RNF17: variants seen among roughly 807,000 people sequenced by gnomAD.
RNF17 encodes ring finger protein 17, also known as spermatogenesis associated 23.
RNF17 carries 31 observed loss-of-function variants against 200.5 expected under a neutral mutation model. The ratio of observed to expected loss-of-function variants is 0.15; its 90% confidence interval spans 0.12 to 0.21. The LOEUF (loss-of-function observed/expected upper bound fraction) is 0.21, where lower values mean the gene tolerates loss of function less well. RNF17 is among the 10% of genes least tolerant of loss of function. The probability of loss-of-function intolerance (pLI) is 1.00; values close to 1 mark genes in which losing one functional copy is unlikely to be tolerated. For synonymous variants in RNF17, 606 were observed against 637.8 expected, an observed-to-expected ratio of 0.95 and a Z score of 0.75; for missense variants, 1,628 against 1,905.1, an observed-to-expected ratio of 0.85 and a Z score of 2.71.
chr13:24,837,163 A>G (rs1278305763), intron 18 of RNF17, among the ~76,000 whole-genome samples: 1 of 152,220 alleles, frequency 6.6e-6, no homozygotes, highest in Non-Finnish European at 1.5e-5. Flanking sequence ...GCCTTGTCCA[A>G]CAGGAAAGTA....
chr13:24,833,801 C>A (rs1178417745), intron 18 of RNF17, among the ~76,000 whole-genome samples: 1 of 152,196 alleles, frequency 6.6e-6, no homozygotes, highest in Admixed American at 6.5e-5. Context: ...TGAACTACCA[C>A]AGCTGAGAAC....
intron 6 of RNF17, among the ~76,000 whole-genome samples, chr13:24,782,512 TTAAAG>T (rs1466099648): frequency 1.3e-5 from 2 of 152,104 alleles, no homozygotes; most frequent in Admixed American, 6.6e-5. Flanking sequence ...CTGTTAACTG[TTAAAG>T]TAAACAAGCT....
chr13:24,828,553 T>C (rs1225973795), intron 16 of RNF17, among the ~76,000 whole-genome samples: 1 of 147,330 alleles, frequency 6.8e-6, no homozygotes, highest in Non-Finnish European at 1.5e-5. Context: ...TTACCTGTTA[T>C]TCTGTCAGAC....
intron 9 of RNF17, among the ~76,000 whole-genome samples, chr13:24,790,284 G>C (rs944044959): frequency 3.3e-5 from 5 of 152,100 alleles, no homozygotes; most frequent in African/African-American, 1.2e-4. Context: ...TATGGGCAGT[G>C]AAATAGCATG....
At chr13:24,884,534 C>T, downstream of RNF17, 1 of 1,483,512 alleles carries the variant, frequency 6.7e-7, no homozygotes, top group Non-Finnish European at 9.4e-7. Flanking sequence ...CTCCTCCCAA[C>T]TGCCTACTTT....
intron 6 of RNF17, among the ~76,000 whole-genome samples, chr13:24,784,776 G>A (rs1332056931): frequency 2.0e-5 from 3 of 151,790 alleles, no homozygotes; most frequent in South Asian, 2.1e-4. Context: ...GCGCGACCTC[G>A]GCTCACCAGA....
intron 32 of RNF17, among the ~76,000 whole-genome samples, 189 bp from the exon 33 acceptor site, chr13:24,873,925 A>G (rs966242649): frequency 6.6e-6 from 1 of 152,328 alleles, no homozygotes. Flanking sequence ...CATTGTGTAT[A>G]TAATCACCAC....
chr13:24,788,985 C>G (rs531190532), intron 7 of RNF17, among the ~76,000 whole-genome samples: 1 of 152,066 alleles, frequency 6.6e-6, no homozygotes, highest in African/African-American at 2.4e-5. Flanking sequence ...GTGTATTACA[C>G]GTGCAACACT....
intron 16 of RNF17, among the ~76,000 whole-genome samples, chr13:24,826,966 A>G (rs1240290714): frequency 1.3e-5 from 2 of 152,148 alleles, no homozygotes; most frequent in East Asian, 3.8e-4. Flanking sequence ...AGGCTGAGGC[A>G]GGAGAATCAC....
chr13:24,821,559 G>T (rs942881042), intron 15 of RNF17, among the ~76,000 whole-genome samples: 3 of 151,618 alleles, frequency 2.0e-5, no homozygotes, highest in Non-Finnish European at 4.4e-5. Context: ...TCTCAGACTC[G>T]ATATTTAAAT....
intron 15 of RNF17, among the ~76,000 whole-genome samples, chr13:24,812,507 A>G (rs1026176321): frequency 6.6e-6 from 1 of 152,034 alleles, no homozygotes; most frequent in Non-Finnish European, 1.5e-5. Flanking sequence ...CGGCTCACGC[A>G]TGGTGCATGC....
At chr13:24,831,277 A>T (rs1478408218) in intron 17 of RNF17, among the ~76,000 whole-genome samples, 3 of 152,090 alleles carry the variant, frequency 2.0e-5, no homozygotes, top group Non-Finnish European at 4.4e-5. Flanking sequence ...CATCTCTACT[A>T]AAAAGATACA....
chr13:24,844,509 AG>A lies in RNF17; in HGVS notation c.2832-142del, dbSNP rs1891029315. On this transcript the variant is annotated intron_variant, in intron 20 of 35. Coordinates refer to ENST00000255324, the MANE Select transcript of RNF17 (RefSeq NM_031277.3). ...AAGAGCTAGTTCAAAAACCTGAGGAAGAAATACACTTGTACATTCAAGGAAG... is the reference window on the plus strand; with the variant it reads ...AAGAGCTAGTTCAAAAACCTGAGGAAAAATACACTTGTACATTCAAGGAAG... The A allele has an allele frequency of 4.6e-6, 3 of 649,896 alleles. No homozygotes were observed. The Admixed American group carries it at 8.7e-5, about 19-fold the overall frequency. The allele number at this position is 649,896 out of a possible 1,614,324, so 40.3% of individuals were successfully genotyped here. A position where few individuals can be genotyped will look rare whatever the true frequency, so the allele number is the denominator to read the frequency against.
intron 26 of RNF17, among the ~76,000 whole-genome samples, chr13:24,859,480 C>T (rs1048144784): frequency 2.5e-4 from 38 of 152,026 alleles, no homozygotes; most frequent in Non-Finnish European, 5.9e-5. Context: ...TTAAATATCT[C>T]GCTAGCAAAT....
intron 10 of RNF17, among the ~76,000 whole-genome samples, chr13:24,793,827 A>G (rs1407875962): frequency 6.6e-6 from 1 of 152,182 alleles, no homozygotes; most frequent in Non-Finnish European, 1.5e-5. Context: ...TCTTTCCATT[A>G]ACATGGAGTG....
chr13:24,882,275 T>C (rs962119112), downstream of RNF17: 2 of 145,680 alleles, frequency 1.4e-5, no homozygotes, highest in African/African-American at 5.1e-5. Flanking sequence ...CATCTGTACT[T>C]ATATTCTTCA....
intron 32 of RNF17, among the ~76,000 whole-genome samples, chr13:24,873,751 A>C (rs1894552169): frequency 6.6e-6 from 1 of 152,134 alleles, no homozygotes. Context: ...CTGAACCATT[A>C]ATCTCCTTGT....
chr13:24,871,958 C>CTTTTTTT (rs60797153), intron 32 of RNF17, among the ~76,000 whole-genome samples: 1 of 71,732 alleles, frequency 1.4e-5, no homozygotes, highest in African/African-American at 5.5e-5. Flanking sequence ...TTATTGATGA[C>CTTTTTTT]TTTTTTTTTT....
At chr13:24,795,048 C>T (rs1884388107) in intron 10 of RNF17, among the ~76,000 whole-genome samples, 1 of 152,160 alleles carries the variant, frequency 6.6e-6, no homozygotes, top group South Asian at 2.1e-4. Flanking sequence ...ATACTTCTCT[C>T]AGATGTCACC....
Sources: gnomAD v4.1 joint callset for allele counts (sites outside exome capture counted in the v4.1 genomes callset) on GRCh38, gnomAD v4.1.1 for gene constraint, MANE v1.5 for transcripts, NCBI Gene and HGNC (gene_info 2026-07-23, HGNC 2026-07-21) for gene names.